The following TPPP variants were observed in gnomAD, a reference collection of about 807,000 sequenced individuals.
The protein encoded by TPPP is tubulin polymerization-promoting protein.
A neutral mutation model predicts 15.5 loss-of-function variants in TPPP; 6 were observed. The observed-to-expected ratio is 0.39, with a 90% CI of 0.21 to 0.77. The LOEUF (loss-of-function observed/expected upper bound fraction) is 0.77. Among genes scored for constraint, TPPP ranks in the 30% least tolerant of loss-of-function variants. The pLI is 0.42. For synonymous variants in TPPP, 146 were observed against 133.9 expected (o/e 1.09, Z -0.63); for missense variants, 269 against 307.2 (o/e 0.88, Z 0.93).
At chr5:692,001 C>CCCCATCAAAACAGCAGCCCT (rs1740890039) in intron 1 of TPPP, among the ~76,000 whole-genome samples, 1 of 116,290 alleles carries the variant, frequency 8.6e-6, no homozygotes, top group Non-Finnish European at 1.9e-5. Flanking sequence ...CAGCAGCCCC[C>CCCCATCAAAACAGCAGCCCT]CAACCCCTAT....
chr5:683,923 A>C (rs775707528), intron 1 of TPPP, among the ~76,000 whole-genome samples: 1 of 152,154 alleles, frequency 6.6e-6, no homozygotes, highest in African/African-American at 2.4e-5. Context: ...GGCTCTTCAG[A>C]ACCTTTACGC....
chr5:667,420 C>T (rs1739965817), intron 2 of TPPP, among the ~76,000 whole-genome samples: 1 of 152,168 alleles, frequency 6.6e-6, no homozygotes. Context: ...ACAAAACTAA[C>T]TCAAAATAGA....
chr5:671,894 G>A (rs1187592195), intron 2 of TPPP, among the ~76,000 whole-genome samples: 2 of 152,174 alleles, frequency 1.3e-5, no homozygotes, highest in Non-Finnish European at 2.9e-5. Context: ...CCCTTCCCCC[G>A]GGCTGGGTAC....
chr5:681,423 A>G (rs1423844579), intron 1 of TPPP, among the ~76,000 whole-genome samples: 1 of 151,868 alleles, frequency 6.6e-6, no homozygotes, highest in Non-Finnish European at 1.5e-5. Flanking sequence ...ACCATCCCAC[A>G]TGTGCCCAGC....
At chr5:668,555 A>C (rs1373037634) in intron 2 of TPPP, among the ~76,000 whole-genome samples, 1 of 152,096 alleles carries the variant, frequency 6.6e-6, no homozygotes, top group Admixed American at 6.5e-5. Flanking sequence ...AATCAAATAA[A>C]CTGCCGGCAC....
At chr5:673,599 G>A (rs1438437484) in intron 2 of TPPP, among the ~76,000 whole-genome samples, 1 of 152,180 alleles carries the variant, frequency 6.6e-6, no homozygotes, top group African/African-American at 2.4e-5. Flanking sequence ...GGCTGCCCAG[G>A]ACCGGGTCTC....
chr5:674,082 C>G lies in TPPP; in HGVS notation c.311+3668G>C, dbSNP rs140447301. The stretch of plus-strand genomic sequence containing the variant: ...GGCTGTGCACATGGGGCCGGCCCTG[C>G]AGGGCTGACGGCCCCTGGACAGGCT... On this transcript the variant is annotated intron_variant, in intron 2 of 3. Transcript: ENST00000360578. Among the ~76,000 whole-genome samples the G allele has an allele frequency of 2.8e-3, 430 of 152,370 alleles. 1 individual carries two copies. The highest frequency in any genetic ancestry group is 3.8e-3 in the Non-Finnish European group (260 of 68,032).
At chr5:674,850 C>T (rs1332522812) in intron 2 of TPPP, among the ~76,000 whole-genome samples, 1 of 151,740 alleles carries the variant, frequency 6.6e-6, no homozygotes, top group Admixed American at 6.5e-5. Context: ...GATGTGGGAG[C>T]TCCAGCGAGC....
At chr5:697,703 A>C (rs1425961117), upstream of TPPP, among the ~76,000 whole-genome samples, 1 of 151,998 alleles carries the variant, frequency 6.6e-6, no homozygotes, top group Non-Finnish European at 1.5e-5. Flanking sequence ...TGTTGTGTGG[A>C]TGCCCTGCAC....
chr5:674,177 G>A (rs796988995), intron 2 of TPPP, among the ~76,000 whole-genome samples: 11 of 152,288 alleles, frequency 7.2e-5, no homozygotes, highest in Middle Eastern at 3.4e-3. Context: ...GCTTTGCCCC[G>A]GGTCTGCTCC....
At chr5:669,810 C>A (rs1006002756) in intron 2 of TPPP, among the ~76,000 whole-genome samples, 1 of 152,098 alleles carries the variant, frequency 6.6e-6, no homozygotes, top group South Asian at 2.1e-4. Flanking sequence ...GGGTGCCCCC[C>A]GCCTGGGGCA....
intron 2 of TPPP, among the ~76,000 whole-genome samples, chr5:670,855 C>T (rs1740196266): frequency 6.6e-6 from 1 of 152,196 alleles, no homozygotes; most frequent in African/African-American, 2.4e-5. Flanking sequence ...GTGACTCCAC[C>T]AGCAGCTGAG....
In TPPP at chr5:670,279, C is replaced by T. The variant is rs1254047746; in HGVS notation, c.312-4156G>A. Among the ~76,000 whole-genome samples, 3 of 152,186 alleles carry T rather than the reference C, an allele frequency of 2.0e-5. No homozygotes were observed. In the East Asian group the frequency reaches 5.8e-4, roughly 29 times the overall value. On this transcript the variant is annotated intron_variant, in intron 2 of 3. Transcript: ENST00000360578. ...CAGGAATGCCCTCCCATGGTGCCCTCTCTGAGGGGCGGGGGCCGGCGGGCG... is the reference window on the plus strand; with the variant it reads ...CAGGAATGCCCTCCCATGGTGCCCTTTCTGAGGGGCGGGGGCCGGCGGGCG...
At chr5:686,940 C>G (rs1479719176) in intron 1 of TPPP, among the ~76,000 whole-genome samples, 1 of 142,844 alleles carries the variant, frequency 7.0e-6, no homozygotes, top group African/African-American at 2.5e-5. Flanking sequence ...AGGGAAGGGC[C>G]CTTGTCGGAC....
At chr5:672,417 C>T (rs950273090) in intron 2 of TPPP, among the ~76,000 whole-genome samples, 9 of 152,268 alleles carry the variant, frequency 5.9e-5, no homozygotes, top group Admixed American at 2.0e-4. Context: ...TGGGAAAATA[C>T]ACCACACCCA....
intron 2 of TPPP, 57 bp downstream of exon 2, chr5:677,693 C>G: frequency 6.7e-7 from 1 of 1,483,156 alleles, no homozygotes; most frequent in Non-Finnish European, 9.0e-7. Context: ...CCCAGGGGCT[C>G]AGGGCCGCAG....
At chr5:693,782 G>A (rs1486982505), upstream of TPPP, among the ~76,000 whole-genome samples, 1 of 149,678 alleles carries the variant, frequency 6.7e-6, no homozygotes, top group African/African-American at 2.4e-5. Context: ...GGTTGGCGGC[G>A]GGGCCTCGAG....
At chr5:674,548 ACT>A (rs1400694407) in intron 2 of TPPP, among the ~76,000 whole-genome samples, 1 of 152,072 alleles carries the variant, frequency 6.6e-6, no homozygotes, top group African/African-American at 2.4e-5. Flanking sequence ...GGACAAGGGC[ACT>A]GTCTGTGCCA....
chr5:676,816 A>G lies in TPPP; in HGVS notation c.311+934T>C, dbSNP rs74806834. ...AACGCACGTGCACATGCAGAAACAC[A>G]TGCACACATGCGCACACGTGCACAC... On this transcript the variant is annotated intron_variant, in intron 2 of 3. Coordinates refer to ENST00000360578, the MANE Select transcript of TPPP (RefSeq NM_007030.3). 8.9e-4 allele frequency among the ~76,000 whole-genome samples: 90 copies of G among 100,880 alleles called. 2 individuals are homozygous for G. The African/African-American group carries it at 0.013, about 14-fold the overall frequency. 66.2% of individuals were successfully genotyped at this position (100,880 alleles called of 152,430 possible).
Sources: allele counts gnomAD v4.1 joint callset (sites outside exome capture counted in the v4.1 genomes callset), GRCh38; gene constraint gnomAD v4.1.1; transcripts MANE v1.5; gene names NCBI Gene and HGNC (gene_info 2026-07-23, HGNC 2026-07-21).